Variants in NRXN1 observed in about 807,000 individuals in gnomAD.
The protein encoded by NRXN1 is neurexin-1.
NRXN1 carries 39 observed loss-of-function variants against 150.9 expected under a neutral mutation model. The observed-to-expected ratio is 0.26, with a 90% confidence interval of 0.20 to 0.34. NRXN1 has a LOEUF of 0.34. NRXN1 is among the 10% of genes least tolerant of loss of function. The probability of loss-of-function intolerance (pLI) is 1.00; values close to 1 mark genes in which losing one functional copy is unlikely to be tolerated. For missense variants in NRXN1, 1,815 were observed against 1,949.9 expected (o/e 0.93, Z 1.30); for synonymous variants, 924 against 757.0 (o/e 1.22, Z -3.62).
intron 8 of NRXN1, among the ~76,000 whole-genome samples, chr2:50,579,747 A>G (rs369614419): frequency 1.3e-3 from 205 of 152,326 alleles, no homozygotes; most frequent in African/African-American, 4.7e-3. Context: ...ACAAGGTTGC[A>G]TTATTGTCAT....
At chr2:50,596,543 C>T (rs1377633177) in intron 8 of NRXN1, among the ~76,000 whole-genome samples, 1 of 152,190 alleles carries the variant, frequency 6.6e-6, no homozygotes, top group African/African-American at 2.4e-5. Flanking sequence ...ATGTCTAATT[C>T]CAGATCTCTG....
intron 5 of NRXN1, among the ~76,000 whole-genome samples, chr2:50,770,556 T>C (rs1261733149): frequency 6.6e-6 from 1 of 152,080 alleles, no homozygotes; most frequent in Non-Finnish European, 1.5e-5. Context: ...ATGATTAATT[T>C]TTAGATCATT....
At chr2:49,970,558 G>A (rs1312069038) in intron 21 of NRXN1, 1 of 151,936 alleles carries the variant, frequency 6.6e-6, no homozygotes, top group African/African-American at 2.4e-5. Flanking sequence ...ATTGTCCTTA[G>A]CTCCATTCTC....
intron 10 of NRXN1, among the ~76,000 whole-genome samples, chr2:50,534,688 G>A (rs1573441086): frequency 6.6e-6 from 1 of 152,116 alleles, no homozygotes; most frequent in Non-Finnish European, 1.5e-5. Flanking sequence ...CATGTGTTCA[G>A]TTACTTTGGT....
At chr2:50,157,603 T>C (rs1260282875) in intron 18 of NRXN1, among the ~76,000 whole-genome samples, 2 of 151,824 alleles carry the variant, frequency 1.3e-5, no homozygotes, top group Non-Finnish European at 2.9e-5. Context: ...TGTTTCAAGG[T>C]ACGAACATGA....
intron 17 of NRXN1, among the ~76,000 whole-genome samples, chr2:50,456,894 G>T (rs977544146): frequency 6.6e-6 from 1 of 151,960 alleles, no homozygotes; most frequent in African/African-American, 2.4e-5. Flanking sequence ...ATAAACTCAG[G>T]TATAATTAAC....
At chr2:50,226,223 T>C (rs1262521133) in intron 18 of NRXN1, among the ~76,000 whole-genome samples, 3 of 152,024 alleles carry the variant, frequency 2.0e-5, no homozygotes. Flanking sequence ...TGGACTTACA[T>C]ATGTAAACTT....
chr2:50,319,714 C>G (rs1426409117), intron 17 of NRXN1, among the ~76,000 whole-genome samples: 1 of 149,666 alleles, frequency 6.7e-6, no homozygotes, highest in Admixed American at 6.6e-5. Context: ...CAGTGGCAGA[C>G]AGTGGCACCG....
intron 17 of NRXN1, among the ~76,000 whole-genome samples, chr2:50,443,205 G>C (rs1015201265): frequency 6.6e-6 from 1 of 152,074 alleles, no homozygotes. Context: ...AAATAATATT[G>C]ACAATTCAAG....
intron 8 of NRXN1, among the ~76,000 whole-genome samples, chr2:50,611,710 G>A (rs1309019067): frequency 6.6e-6 from 1 of 152,140 alleles, no homozygotes; most frequent in Non-Finnish European, 1.5e-5. Context: ...TGTATGGCTG[G>A]CTACACAGTA....
intron 21 of NRXN1, among the ~76,000 whole-genome samples, chr2:50,012,732 T>C (rs916799284): frequency 6.6e-6 from 1 of 152,158 alleles, no homozygotes; most frequent in South Asian, 2.1e-4. Context: ...CATGGCTATG[T>C]ATACTGTTAA....
At chr2:50,719,338 A>C (rs901632851) in intron 5 of NRXN1, among the ~76,000 whole-genome samples, 14 of 152,088 alleles carry the variant, frequency 9.2e-5, no homozygotes, top group South Asian at 2.1e-4. Flanking sequence ...AAAAAAAAAA[A>C]CAAGTATTTC....
At chr2:50,215,389 C>T (rs148169702) in intron 18 of NRXN1, among the ~76,000 whole-genome samples, 38 of 152,032 alleles carry the variant, frequency 2.5e-4, no homozygotes, top group African/African-American at 8.2e-4. Flanking sequence ...CAAATGAATC[C>T]AATTCATATT....
intron 2 of NRXN1, among the ~76,000 whole-genome samples, chr2:50,975,795 T>C (rs181179848): frequency 1.7e-4 from 26 of 152,120 alleles, no homozygotes; most frequent in African/African-American, 6.3e-4. Flanking sequence ...TCAATCAAAC[T>C]ACCCCATACC....
chr2:50,541,847 C>T (rs1438176835), intron 9 of NRXN1, among the ~76,000 whole-genome samples: 1 of 152,086 alleles, frequency 6.6e-6, no homozygotes, highest in Non-Finnish European at 1.5e-5. Flanking sequence ...TGGATTTTAG[C>T]ACCAGCTAAA....
intron 18 of NRXN1, among the ~76,000 whole-genome samples, chr2:50,141,320 A>G (rs938278294): frequency 6.6e-6 from 1 of 152,116 alleles, no homozygotes; most frequent in Non-Finnish European, 1.5e-5. Flanking sequence ...TAAAAACAAT[A>G]AAGATTTAAA....
At chr2:50,292,129 C>G (rs1447435737) in intron 17 of NRXN1, among the ~76,000 whole-genome samples, 1 of 152,154 alleles carries the variant, frequency 6.6e-6, no homozygotes, top group Admixed American at 6.6e-5. Flanking sequence ...GACCCACTGC[C>G]TCTTTTTGCA....
Position 50,894,242 on chromosome 2 carries a change from TAATAAATAAATA to T in NRXN1, c.832+27615_832+27626del, listed in dbSNP as rs202034347. ...TACCCTAAAACTTAAAGTATAATAATAATAAATAAATAAATAAATAAATAAATAAATAAAATA... is the reference window on the plus strand; with the variant it reads ...TACCCTAAAACTTAAAGTATAATAATAATAAATAAATAAATAAATAAAATA... On this transcript the variant is annotated intron_variant, in intron 5 of 22. Coordinates refer to ENST00000401669, the MANE Select transcript of NRXN1 (RefSeq NM_001330078.2). 2.2e-3 allele frequency among the ~76,000 whole-genome samples: 317 copies of T among 142,374 alleles called. 5 individuals are homozygous for T. In the East Asian group the frequency reaches 0.05, roughly 23 times the overall value. 93.4% of individuals were successfully genotyped at this position (142,374 alleles called of 152,430 possible). A position where few individuals can be genotyped will look rare whatever the true frequency, so the allele number is the denominator to read the frequency against.
chr2:50,252,556 G>A (rs1412385386), intron 17 of NRXN1, among the ~76,000 whole-genome samples: 1 of 151,944 alleles, frequency 6.6e-6, no homozygotes, highest in Non-Finnish European at 1.5e-5. Flanking sequence ...ACTGCGTCCA[G>A]CACATTTATA....
Sources: allele counts gnomAD v4.1 joint callset (sites outside exome capture counted in the v4.1 genomes callset), GRCh38; gene constraint gnomAD v4.1.1; transcripts MANE v1.5; gene names NCBI Gene and HGNC (gene_info 2026-07-23, HGNC 2026-07-21).